The following TRMT11 variants were observed in gnomAD, a reference collection of about 807,000 sequenced individuals.
TRMT11 encodes the protein tRNA methyltransferase 11, also known as tRNA (guanine(10)-N(2))-methyltransferase TRMT11.
A neutral mutation model predicts 62.8 loss-of-function variants in TRMT11; 53 were observed. The observed-to-expected ratio is 0.84, with a 90% CI of 0.68 to 1.06. The LOEUF (loss-of-function observed/expected upper bound fraction) is 1.06, where lower values mean the gene tolerates loss of function less well. Among genes scored for constraint, TRMT11 ranks in the 50% least tolerant of loss-of-function variants. The pLI is 0.00. For missense variants in TRMT11, 556 were observed against 553.4 expected, an observed-to-expected ratio of 1.00 and a Z score of -0.05; for synonymous variants, 188 against 190.3, an observed-to-expected ratio of 0.99 and a Z score of 0.10.
At chr6:126,137,493 A>G (rs1193430854) in intron 21 of TRMT11, among the ~76,000 whole-genome samples, 1 of 151,848 alleles carries the variant, frequency 6.6e-6, no homozygotes, top group Admixed American at 6.6e-5. Flanking sequence ...GCTGGCAAGG[A>G]CGCAGAGAAA....
At position 125,991,983 on chromosome 6, in the gene TRMT11, A is replaced by G. The variant is rs772489165; in HGVS notation, c.73-1774A>G. ...TAACGCATCACACATGCCCCAGATCATGCTACATTTTTATATCCAATGTTC... is the reference window on the plus strand; with the variant it reads ...TAACGCATCACACATGCCCCAGATCGTGCTACATTTTTATATCCAATGTTC... On this transcript the variant is annotated intron_variant, in intron 1 of 12. Coordinates refer to ENST00000334379, the MANE Select transcript of TRMT11 (RefSeq NM_001031712.3). Among the ~76,000 whole-genome samples the G allele has an allele frequency of 2.6e-5, 4 of 152,238 alleles. No homozygotes were observed. The South Asian group carries it at 6.2e-4, about 24-fold the overall frequency.
chr6:126,035,702 G>T (rs756836465), intron 12 of TRMT11, among the ~76,000 whole-genome samples: 3 of 152,040 alleles, frequency 2.0e-5, no homozygotes, highest in Non-Finnish European at 4.4e-5. Context: ...TTACAGAAAA[G>T]AATGTCTTAA....
At chr6:126,039,800 G>A (rs1410410208), downstream of TRMT11, among the ~76,000 whole-genome samples, 3 of 151,976 alleles carry the variant, frequency 2.0e-5, no homozygotes, top group Admixed American at 1.3e-4. Context: ...ACCAGAGCCT[G>A]TATTTATTAT....
At chr6:126,269,032 C>T in the TRMT11 span, among the ~76,000 whole-genome samples, 15 of 151,454 alleles carry the variant, frequency 9.9e-5, no homozygotes, top group Admixed American at 8.5e-4. Flanking sequence ...GAGGCCGAGG[C>T]GGGCGGATCA....
chr6:126,098,331 G>C (rs1243466246), intron 17 of TRMT11, among the ~76,000 whole-genome samples: 2 of 152,122 alleles, frequency 1.3e-5, no homozygotes, highest in Non-Finnish European at 2.9e-5. Flanking sequence ...CTTAGAATTT[G>C]TCTTCTCTTT....
the TRMT11 span, among the ~76,000 whole-genome samples, chr6:126,209,455 T>C: frequency 3.3e-5 from 5 of 152,098 alleles, no homozygotes; most frequent in Admixed American, 6.5e-5. Context: ...GCGCGGTGGC[T>C]CACTCCTGTA....
At chr6:126,014,556 A>G (rs990667868) in intron 11 of TRMT11, among the ~76,000 whole-genome samples, 5 of 152,140 alleles carry the variant, frequency 3.3e-5, no homozygotes, top group African/African-American at 1.2e-4. Flanking sequence ...GCCAATTCCT[A>G]TATTTATTAT....
At position 125,998,646 on chromosome 6, in the gene TRMT11, A is replaced by G; in HGVS notation, c.484A>G (p.Ile162Val). ...GGATTATGGTTTAGACCCAAACTGC[A>G]TCCCTGAGAATCCACATAATATTTA... The part of the protein sequence containing the change: ...LEDYGLDPNC[I>V]PENPHNIYFG... The change falls in exon 6 of 13, where the codon ATC becomes GTC. Residue 162 changes from isoleucine to valine, a missense_variant. Transcript: ENST00000334379. 1 of 1,613,282 alleles carries G rather than the reference A, an allele frequency of 6.2e-7. No homozygotes were observed. The highest frequency in any genetic ancestry group is 8.5e-7 in the Non-Finnish European group (1 of 1,179,606).
chr6:126,165,189 A>T (rs1778244149), intron 21 of TRMT11, among the ~76,000 whole-genome samples: 1 of 151,900 alleles, frequency 6.6e-6, no homozygotes, highest in Non-Finnish European at 1.5e-5. Flanking sequence ...GAGGCAGGAG[A>T]ATCACTTGAA....
intron 21 of TRMT11, among the ~76,000 whole-genome samples, chr6:126,124,878 A>G (rs1385365881): frequency 1.3e-5 from 2 of 152,092 alleles, no homozygotes; most frequent in Non-Finnish European, 2.9e-5. Context: ...TTATTGGCAT[A>G]ACAGATAATT....
chr6:126,008,416 A>G lies in TRMT11; in HGVS notation c.704A>G (p.His235Arg). 6.2e-7 allele frequency: 1 copy of G among 1,613,134 alleles called. No homozygotes were observed. Among genetic ancestry groups the G allele is most frequent in the South Asian group, 1.1e-5 (1 of 91,052 alleles). ...GGTGGCCTGCTGATAGCATGTGCTCATTTTGGTGCATATGTGTATGGGACA... is the reference window on the plus strand; with the variant it reads ...GGTGGCCTGCTGATAGCATGTGCTCGTTTTGGTGCATATGTGTATGGGACA... ...GTGGLLIACA[H>R]FGAYVYGTDI... is the part of the protein sequence containing the mutation. The change falls in exon 8 of 13, where the codon CAT becomes CGT. Residue 235 changes from histidine (H) to arginine (R), a missense_variant. His to Arg is a conservative substitution (Grantham distance 29, BLOSUM62 0). Coordinates refer to ENST00000334379, the MANE Select transcript of TRMT11 (RefSeq NM_001031712.3).
chr6:126,067,401 CT>C (rs1185280893), intron 17 of TRMT11, among the ~76,000 whole-genome samples: 1 of 152,138 alleles, frequency 6.6e-6, no homozygotes, highest in Non-Finnish European at 1.5e-5. Context: ...TCCTTCATTG[CT>C]TACCCATATA....
At chr6:126,067,269 A>G (rs1183079181) in intron 17 of TRMT11, among the ~76,000 whole-genome samples, 2 of 152,132 alleles carry the variant, frequency 1.3e-5, no homozygotes, top group African/African-American at 2.4e-5. Context: ...ATAAATTGTC[A>G]CAAAGTTAAC....
At chr6:126,100,555 G>A (rs925756044) in intron 17 of TRMT11, among the ~76,000 whole-genome samples, 1 of 152,200 alleles carries the variant, frequency 6.6e-6, no homozygotes, top group Admixed American at 6.5e-5. Context: ...TTTGCTACAA[G>A]GAATGTGCTG....
At chr6:126,185,465 T>C (rs1778516429) in intron 1 of TRMT11, among the ~76,000 whole-genome samples, 1 of 152,204 alleles carries the variant, frequency 6.6e-6, no homozygotes, top group Non-Finnish European at 1.5e-5. Context: ...ATTGCATATC[T>C]TTTGAGCCTG....
chr6:126,171,983 G>A (rs1452983711), intron 21 of TRMT11, among the ~76,000 whole-genome samples: 4 of 152,076 alleles, frequency 2.6e-5, no homozygotes, highest in East Asian at 1.9e-4. Context: ...CCTCCCAAAC[G>A]GCTGGGATTA....
chr6:126,084,002 C>A (rs1777187665), intron 17 of TRMT11, among the ~76,000 whole-genome samples: 2 of 152,094 alleles, frequency 1.3e-5, no homozygotes, highest in African/African-American at 4.8e-5. Context: ...TTGACAGATA[C>A]TTAGGTTGTT....
Position 126,038,864 on chromosome 6 carries a change from A to T in TRMT11, c.*28A>T, listed in dbSNP as rs183419298. 26 of 1,568,256 alleles carry T rather than the reference A, an allele frequency of 1.7e-5. No homozygotes were observed. In the East Asian group the frequency reaches 3.7e-4, roughly 22 times the overall value. ...ATTAAGATTTTGACAATGAAGAAAG[A>T]ATAAGAATTTGATTTAAAAAGACAT... On this transcript the variant is annotated 3_prime_UTR_variant, in exon 13 of 13. Transcript: ENST00000334379.
intron 21 of TRMT11, among the ~76,000 whole-genome samples, chr6:126,121,113 G>A (rs1777644831): frequency 6.6e-6 from 1 of 152,028 alleles, no homozygotes; most frequent in Admixed American, 6.6e-5. Flanking sequence ...ACACTTATAT[G>A]GTGTTTTCAT....
Sources: gnomAD v4.1 joint callset for allele counts (sites outside exome capture counted in the v4.1 genomes callset) on GRCh38, gnomAD v4.1.1 for gene constraint, MANE v1.5 for transcripts, NCBI Gene and HGNC (gene_info 2026-07-23, HGNC 2026-07-21) for gene names.